Variants in NF1 observed in about 807,000 individuals in gnomAD.
NF1 encodes neurofibromin 1.
NF1 carries 122 observed loss-of-function variants against 325.7 expected under a neutral mutation model. The ratio of observed to expected loss-of-function variants is 0.37; its 90% CI spans 0.32 to 0.44. The LOEUF (loss-of-function observed/expected upper bound fraction) is 0.44, where lower values mean the gene tolerates loss of function less well. Among genes scored for constraint, NF1 ranks in the 20% least tolerant of loss-of-function variants. The pLI, the probability that NF1 is intolerant of heterozygous loss-of-function variation, is 1.00. For missense variants in NF1, 2,140 were observed against 3,415.4 expected (o/e 0.63, Z 9.31); for synonymous variants, 1,091 against 1,186.0 (o/e 0.92, Z 1.65).
intron 1 of NF1, among the ~76,000 whole-genome samples, chr17:31,126,779 C>T (rs140265808): frequency 3.3e-5 from 5 of 151,946 alleles, no homozygotes; most frequent in Non-Finnish European, 1.5e-5. Context: ...AATATCTTTT[C>T]CAATTTATGA....
chr17:31,251,875 TCTAA>T (rs2067500346), intron 30 of NF1: 1 of 217,146 alleles, frequency 4.6e-6, no homozygotes, highest in Admixed American at 5.8e-5. Flanking sequence ...TGAATGGATG[TCTAA>T]CTAACTTAAA....
At chr17:31,134,372 A>G (rs1915606911) in intron 1 of NF1, among the ~76,000 whole-genome samples, 1 of 152,128 alleles carries the variant, frequency 6.6e-6, no homozygotes, top group South Asian at 2.1e-4. Flanking sequence ...TTTCACCTAG[A>G]GTGTTTCATA....
At chr17:31,147,984 T>C (rs1253610785) in intron 1 of NF1, among the ~76,000 whole-genome samples, 1 of 152,162 alleles carries the variant, frequency 6.6e-6, no homozygotes, top group Non-Finnish European at 1.5e-5. Context: ...TCTCAATCTG[T>C]TTTCCTGACC....
In NF1 at chr17:31,257,262, G is replaced by A. The variant is rs191964946; in HGVS notation, c.4174-1082G>A. ...TATCCTTGACATCACAGAATATTGA[G>A]TGGAATGCTACAGTTTTGTAGTCAC... On this transcript the variant is annotated intron_variant, in intron 31 of 57. Coordinates refer to ENST00000358273, the MANE Select transcript of NF1 (RefSeq NM_001042492.3). Among the ~76,000 whole-genome samples the A allele has an allele frequency of 7.1e-4, 108 of 152,258 alleles. 1 individual carries two copies. Among genetic ancestry groups the A allele is most frequent in the Admixed American group, 1.3e-3 (20 of 15,296 alleles).
chr17:31,245,109 C>T (rs17881761), intron 29 of NF1, among the ~76,000 whole-genome samples: 218 of 152,208 alleles, frequency 1.4e-3, no homozygotes, highest in African/African-American at 4.9e-3. Flanking sequence ...GTACCTGCTG[C>T]TATGCTGACT....
At chr17:31,196,180 T>C (rs2066430319) in intron 8 of NF1, among the ~76,000 whole-genome samples, 1 of 152,194 alleles carries the variant, frequency 6.6e-6, no homozygotes, top group South Asian at 2.1e-4. Context: ...TGTAACTGTT[T>C]ACTCATTTCT....
chr17:31,305,121 AAC>A lies in NF1; in HGVS notation c.4836-20697_4836-20696del, dbSNP rs1386228200. ...ATGTTGGTTGTGTGGATGGATTATG[AAC>A]AGTTATTTGTTTTCTAGAAGGGATC... On this transcript the variant is annotated intron_variant, in intron 36 of 57. Coordinates refer to ENST00000358273, the MANE Select transcript of NF1 (RefSeq NM_001042492.3). The A allele has an allele frequency of 1.9e-6, 3 of 1,614,064 alleles. No homozygotes were observed. In the African/African-American group the frequency reaches 4.0e-5, roughly 22 times the overall value.
intron 47 of NF1, among the ~76,000 whole-genome samples, chr17:31,342,778 A>C (rs543658316): frequency 6.6e-6 from 1 of 152,348 alleles, no homozygotes; most frequent in South Asian, 2.1e-4. Context: ...TATTGTAAAT[A>C]AAAGTGATTT....
intron 31 of NF1, 187 bp downstream of exon 31, chr17:31,253,187 T>C (rs2067524161): frequency 1.7e-6 from 1 of 585,846 alleles, no homozygotes; most frequent in South Asian, 2.0e-5. Flanking sequence ...ACATTCTCTG[T>C]GTTCCTTTGG....
intron 36 of NF1, chr17:31,313,986 GTTAAC>G: frequency 2.5e-6 from 1 of 398,020 alleles, no homozygotes; most frequent in Non-Finnish European, 4.4e-6. Context: ...TACCTCAGCT[GTTAAC>G]TTCTTTTGCA....
intron 57 of NF1, among the ~76,000 whole-genome samples, chr17:31,363,872 C>G (rs2070454735): frequency 6.6e-6 from 1 of 151,930 alleles, no homozygotes; most frequent in Non-Finnish European, 1.5e-5. Flanking sequence ...TCCCTAGTAG[C>G]TGGAATTACA....
chr17:31,146,355 G>A (rs112056732), intron 1 of NF1, among the ~76,000 whole-genome samples: 20 of 152,170 alleles, frequency 1.3e-4, no homozygotes, highest in African/African-American at 4.6e-4. Flanking sequence ...TGCTGCCTTT[G>A]GGAGTTCAAC....
intron 31 of NF1, among the ~76,000 whole-genome samples, chr17:31,256,777 T>C (rs1241786952): frequency 6.6e-6 from 1 of 152,314 alleles, no homozygotes; most frequent in Non-Finnish European, 1.5e-5. Context: ...TTTAGTCACC[T>C]TCACCAGTTT....
intron 7 of NF1, 113 bp downstream of exon 7, chr17:31,181,898 T>C: frequency 2.6e-6 from 2 of 781,840 alleles, no homozygotes; most frequent in Non-Finnish European, 4.4e-6. Flanking sequence ...CTTTTACATC[T>C]TCTATTGTCA....
In NF1 at chr17:31,260,461, A is replaced by T. The variant is rs1254695587; in HGVS notation, c.4523A>T (p.His1508Leu). 2 of 1,613,920 alleles carry T rather than the reference A, an allele frequency of 1.2e-6. No homozygotes were observed. Among genetic ancestry groups the T allele is most frequent in the Non-Finnish European group, 1.7e-6 (2 of 1,179,980 alleles). Residue 1508 changes from histidine (H) to leucine (L), a missense_variant, in exon 34 of 58, where the codon CAT (histidine) becomes CTT (leucine). By Grantham distance (99) the His-to-Leu change is moderately conservative (BLOSUM62 -3). Coordinates refer to ENST00000358273, the MANE Select transcript of NF1 (RefSeq NM_001042492.3). The part of the protein sequence containing the change: ...FISDGNVLAL[H>L]RLLWNNQEKI... ...AGTGACGGCAATGTGCTTGCTTTAC[A>T]TCGTCTACTCTGGAACAATCAGGAG...
At chr17:31,329,503 G>C (rs998087136) in intron 38 of NF1, among the ~76,000 whole-genome samples, 8 of 152,182 alleles carry the variant, frequency 5.3e-5, no homozygotes, top group African/African-American at 1.9e-4. Flanking sequence ...AGGAAAACCT[G>C]ACAGTTACTG....
chr17:31,280,516 C>CAAAAAAAAAAAAAAAAAAAAAAAAA (rs57193583), intron 36 of NF1, among the ~76,000 whole-genome samples: 1 of 79,540 alleles, frequency 1.3e-5, no homozygotes, highest in Non-Finnish European at 2.7e-5. Flanking sequence ...GACTCTGTCT[C>CAAAAAAAAAAAAAAAAAAAAAAAAA]AAAAAAAAAA....
At chr17:31,317,048 C>T (rs1196949139) in intron 36 of NF1, among the ~76,000 whole-genome samples, 1 of 151,914 alleles carries the variant, frequency 6.6e-6, no homozygotes, top group Non-Finnish European at 1.5e-5. Context: ...GACATGCAGC[C>T]AGGGTAAGAA....
chr17:31,158,197 C>T (rs1419618535), intron 2 of NF1, among the ~76,000 whole-genome samples: 3 of 152,116 alleles, frequency 2.0e-5, no homozygotes, highest in African/African-American at 7.2e-5. Flanking sequence ...TTGTTCGCAT[C>T]ATCCTTGGTG....
Sources: gnomAD v4.1 joint callset for allele counts (sites outside exome capture counted in the v4.1 genomes callset) on GRCh38, gnomAD v4.1.1 for gene constraint, MANE v1.5 for transcripts, NCBI Gene and HGNC (gene_info 2026-07-23, HGNC 2026-07-21) for gene names.